PPARGC1A: variants seen among roughly 807,000 people sequenced by gnomAD.
PPARGC1A encodes PPARG coactivator 1 alpha.
A neutral mutation model predicts 88.7 loss-of-function variants in PPARGC1A; 25 were observed. The observed-to-expected ratio is 0.28, with a 90% confidence interval of 0.21 to 0.39. The LOEUF (loss-of-function observed/expected upper bound fraction) is 0.39. PPARGC1A is among the 10% of genes least tolerant of loss of function. PPARGC1A has a pLI of 1.00. For missense variants in PPARGC1A, 880 were observed against 968.7 expected, an observed-to-expected ratio of 0.91 and a Z score of 1.22; for synonymous variants, 363 against 355.6, an observed-to-expected ratio of 1.02 and a Z score of -0.24.
At chr4:24,082,232 A>G in the PPARGC1A span, among the ~76,000 whole-genome samples, 5 of 152,308 alleles carry the variant, frequency 3.3e-5, no homozygotes, top group Middle Eastern at 3.4e-3. Flanking sequence ...TGTTTCCCCA[A>G]TATAAATGGT....
At chr4:23,817,892 A>G (rs1722264315) in intron 7 of PPARGC1A, among the ~76,000 whole-genome samples, 2 of 152,170 alleles carry the variant, frequency 1.3e-5, no homozygotes, top group Non-Finnish European at 2.9e-5. Context: ...TGCAAGAAGT[A>G]TGTTTCTTTC....
the PPARGC1A span, among the ~76,000 whole-genome samples, chr4:24,424,217 G>A: frequency 8.8e-5 from 11 of 125,428 alleles, no homozygotes; most frequent in East Asian, 2.5e-3. Flanking sequence ...ATTAGGAAAA[G>A]GAAAAAAAAA....
chr4:23,904,205 T>A, upstream of PPARGC1A: 1 of 211,416 alleles, frequency 4.7e-6, no homozygotes, highest in Non-Finnish European at 8.2e-6. Context: ...AAACCCAATC[T>A]TAGCCAGATA....
intron 2 of PPARGC1A, among the ~76,000 whole-genome samples, chr4:23,859,106 T>C (rs952933865): frequency 6.6e-6 from 1 of 152,124 alleles, no homozygotes; most frequent in African/African-American, 2.4e-5. Flanking sequence ...TTCAAATACA[T>C]TATCAACTCT....
chr4:24,229,420 A>G, the PPARGC1A span, among the ~76,000 whole-genome samples: 1 of 148,988 alleles, frequency 6.7e-6, no homozygotes, highest in Non-Finnish European at 1.5e-5. Flanking sequence ...AAGTGCTGGG[A>G]TTATAGGCAT....
At chr4:24,178,059 T>C in the PPARGC1A span, among the ~76,000 whole-genome samples, 1 of 152,242 alleles carries the variant, frequency 6.6e-6, no homozygotes, top group Non-Finnish European at 1.5e-5. Flanking sequence ...AGCATGGCTG[T>C]AAACATCCTT....
chr4:23,874,200 T>C (rs1357991723), intron 2 of PPARGC1A, among the ~76,000 whole-genome samples: 1 of 152,220 alleles, frequency 6.6e-6, no homozygotes, highest in African/African-American at 2.4e-5. Context: ...GTGAATATTA[T>C]GAAGCTTCAC....
the PPARGC1A span, among the ~76,000 whole-genome samples, chr4:24,307,239 G>A: frequency 6.6e-6 from 1 of 152,132 alleles, no homozygotes; most frequent in Non-Finnish European, 1.5e-5. Context: ...CACAGGTTGT[G>A]AAACACAGAT....
In PPARGC1A at chr4:23,814,436, C is replaced by T. The variant is rs772391487; in HGVS notation, c.1047G>A (p.Pro349=). The T allele has an allele frequency of 1.9e-5, 30 of 1,613,540 alleles. No homozygotes were observed. The highest frequency in any genetic ancestry group is 1.6e-4 in the Middle Eastern group (1 of 6,078). The change falls in exon 8 of 13, where the codon CCG becomes CCA. Residue 349 remains proline, a synonymous_variant. Transcript: ENST00000264867. ...TQGNNSTKKG[P]EQSELYAQLS... is the part of the protein sequence containing the mutation. ...GTTGTGCATACAACTCGGATTGCTC[C>T]GGCCCTTTCTTGGTGGAGTTATTGC...
chr4:23,813,635 A>AT (rs1721359844), intron 8 of PPARGC1A, 55 bp downstream of exon 8: 3 of 1,407,024 alleles, frequency 2.1e-6, no homozygotes. Context: ...ATTTTATTTT[A>AT]TTTTTTACTT....
the PPARGC1A span, among the ~76,000 whole-genome samples, chr4:23,966,820 T>C: frequency 1.3e-5 from 2 of 152,208 alleles, no homozygotes; most frequent in African/African-American, 4.8e-5. Context: ...GCAACCTGTG[T>C]ATGAATTTGT....
chr4:24,188,449 G>C, the PPARGC1A span, among the ~76,000 whole-genome samples: 1 of 152,100 alleles, frequency 6.6e-6, no homozygotes, highest in Non-Finnish European at 1.5e-5. Context: ...ATGTAATACC[G>C]CTGAACTATT....
At chr4:23,834,446 G>A (rs1232565310) in intron 2 of PPARGC1A, among the ~76,000 whole-genome samples, 15 of 151,354 alleles carry the variant, frequency 9.9e-5, no homozygotes, top group South Asian at 4.2e-4. Context: ...CCAAGATCAC[G>A]CCACTGCACT....
At chr4:24,466,379 C>A in the PPARGC1A span, among the ~76,000 whole-genome samples, 4 of 152,188 alleles carry the variant, frequency 2.6e-5, no homozygotes, top group African/African-American at 4.8e-5. Flanking sequence ...TGTGTTGTAG[C>A]AGAAAGTGAG....
At chr4:23,904,083 C>G, upstream of PPARGC1A, 1 of 979,404 alleles carries the variant, frequency 1.0e-6, no homozygotes, top group Non-Finnish European at 1.2e-6. Context: ...GATGAGGGAA[C>G]ACTCACAACA....
At chr4:24,174,464 G>C in the PPARGC1A span, among the ~76,000 whole-genome samples, 6 of 152,196 alleles carry the variant, frequency 3.9e-5, no homozygotes, top group Admixed American at 1.3e-4. Context: ...GAGAACACTT[G>C]TCTTAGTGGC....
upstream of PPARGC1A, among the ~76,000 whole-genome samples, chr4:23,905,680 C>A (rs1311725069): frequency 6.6e-6 from 1 of 152,196 alleles, no homozygotes; most frequent in Admixed American, 6.5e-5. Context: ...TTAATCCTTA[C>A]ACTAACAGTA....
the PPARGC1A span, among the ~76,000 whole-genome samples, chr4:24,372,858 C>T: frequency 6.6e-6 from 1 of 152,200 alleles, no homozygotes; most frequent in Non-Finnish European, 1.5e-5. Context: ...AATGTTACTA[C>T]TTCCTTCCTA....
At chr4:24,079,686 T>C in the PPARGC1A span, among the ~76,000 whole-genome samples, 1 of 152,188 alleles carries the variant, frequency 6.6e-6, no homozygotes, top group Non-Finnish European at 1.5e-5. Context: ...AATGTTACCC[T>C]ACACTTTCTC....
Sources: gnomAD v4.1 joint callset for allele counts (sites outside exome capture counted in the v4.1 genomes callset) on GRCh38, gnomAD v4.1.1 for gene constraint, MANE v1.5 for transcripts, NCBI Gene and HGNC (gene_info 2026-07-23, HGNC 2026-07-21) for gene names.